The following MEI1 variants were observed in gnomAD, a reference collection of about 807,000 sequenced individuals.
MEI1 encodes meiotic double-stranded break formation protein 1.
MEI1 carries 103 observed loss-of-function variants against 146.2 expected under a neutral mutation model. The ratio of observed to expected loss-of-function variants is 0.70; its 90% CI spans 0.60 to 0.83. The LOEUF is 0.83. Among genes scored for constraint, MEI1 ranks in the 40% least tolerant of loss-of-function variants. The probability of loss-of-function intolerance (pLI) is 0.00; values close to 1 mark genes in which losing one functional copy is unlikely to be tolerated. For missense variants in MEI1, 1,529 were observed against 1,533.0 expected (o/e 1.00, Z 0.04); for synonymous variants, 652 against 628.2 (o/e 1.04, Z -0.57).
chr22:41,712,257 C>T (rs1341043432), intron 3 of MEI1, among the ~76,000 whole-genome samples: 20 of 128,540 alleles, frequency 1.6e-4, no homozygotes, highest in Non-Finnish European at 6.5e-5. Flanking sequence ...TTCTTTGATA[C>T]GGAGTCTCGC....
At position 41,758,408 on chromosome 22, in the gene MEI1, G is replaced by C. The variant is rs1392954744; in HGVS notation, c.1995G>C (p.Gln665His). 1 of 1,613,920 alleles carries C rather than the reference G, an allele frequency of 6.2e-7. No individual in the cohort carries two copies. The highest frequency in any genetic ancestry group is 1.7e-5 in the Admixed American group (1 of 60,020). ...AGCTCCTGCAGCATGGGCTGCCCCA[G>C]ATAAGCAGCAGGAGCCCTGAAAGCC... Reference protein sequence around the residue: ...VSELLQHGLPQISSRSPESLA... With the variant: ...VSELLQHGLPHISSRSPESLA... The change falls in exon 18 of 31, where the codon CAG (glutamine) becomes CAC (histidine). Residue 665 changes from glutamine (Q) to histidine (H), a missense_variant. Physicochemically the swap from Gln to His is conservative, Grantham distance 24. Around this residue, in one of 3 missense-constraint regions of MEI1, gnomAD observed 1,212 missense variants for 1,178.9 expected, o/e 1.03. Transcript: ENST00000401548.
At chr22:41,705,799 G>A (rs1404256986) in intron 3 of MEI1, among the ~76,000 whole-genome samples, 6 of 147,176 alleles carry the variant, frequency 4.1e-5, no homozygotes, top group Non-Finnish European at 9.0e-5. Context: ...CCTCTGCCTC[G>A]CGGGTTCAAG....
chr22:41,713,098 C>T (rs945986439), intron 3 of MEI1, among the ~76,000 whole-genome samples: 6 of 151,854 alleles, frequency 4.0e-5, no homozygotes, highest in East Asian at 1.9e-4. Context: ...CGTGAGCCAC[C>T]GCGCCCGGCT....
intron 18 of MEI1, among the ~76,000 whole-genome samples, chr22:41,759,686 G>C (rs541943670): frequency 6.7e-6 from 1 of 149,756 alleles, no homozygotes; most frequent in South Asian, 2.1e-4. Context: ...AAAATCAGCC[G>C]GGCATGGTGG....
rs375815319 is a variant in MEI1, at chr22:41,784,607, G to C, written c.3170-1G>C. On this transcript the variant is annotated splice_acceptor_variant, in intron 25 of 30. Transcript: ENST00000401548. LOFTEE classifies it high-confidence loss of function. ...GGGTGTAAGGAATCTCCTGCTTCCA[G>C]CTGCCATCTTATGCTTCCTGCGGAC... 27 of 1,611,244 alleles carry C rather than the reference G, an allele frequency of 1.7e-5. No individual in the cohort carries two copies. Among genetic ancestry groups the C allele is most frequent in the Non-Finnish European group, 2.3e-5 (27 of 1,179,568 alleles).
At chr22:41,745,539 G>C (rs1325693104) in intron 13 of MEI1, among the ~76,000 whole-genome samples, 1 of 152,134 alleles carries the variant, frequency 6.6e-6, no homozygotes, top group East Asian at 1.9e-4. Context: ...TGTGGGATTT[G>C]TTGGGTTTTC....
intron 11 of MEI1, among the ~76,000 whole-genome samples, chr22:41,742,688 G>A (rs949204452): frequency 6.6e-6 from 1 of 152,178 alleles, no homozygotes; most frequent in Non-Finnish European, 1.5e-5. Flanking sequence ...GTCTTGTTCT[G>A]TCACCCAGGC....
intron 3 of MEI1, chr22:41,709,272 C>T: frequency 1.2e-6 from 1 of 822,830 alleles, no homozygotes; most frequent in Non-Finnish European, 2.1e-6. Context: ...GTCTTGGCAT[C>T]TCCATTTTCT....
intron 6 of MEI1, chr22:41,722,199 A>G (rs547376395): frequency 6.6e-6 from 1 of 151,594 alleles, no homozygotes; most frequent in African/African-American, 2.4e-5. Flanking sequence ...ATGTAGTCAC[A>G]TCCTTTGGAC....
intron 6 of MEI1, among the ~76,000 whole-genome samples, chr22:41,718,726 T>G (rs1449556048): frequency 6.6e-6 from 1 of 152,032 alleles, no homozygotes; most frequent in East Asian, 1.9e-4. Flanking sequence ...GTTCAGAAAT[T>G]TATTGGTTTG....
In MEI1 at chr22:41,763,308, A is replaced by G. The variant is rs773379462; in HGVS notation, c.2255A>G (p.Asn752Ser). The part of the protein sequence containing the change: ...YLLAICQDKD[N>S]TLRETMVSAI... Reference sequence around the variant, plus strand: ...CTTGCAATCTGCCAGGACAAAGACAATACACTACGTGAGGTATGGACCACA... The same window carrying G: ...CTTGCAATCTGCCAGGACAAAGACAGTACACTACGTGAGGTATGGACCACA... The change falls in exon 19 of 31, where the codon AAT becomes AGT. Residue 752 changes from asparagine to serine, a missense_variant. Physicochemically the swap from Asn to Ser is conservative, Grantham distance 46. Coordinates refer to ENST00000401548, the MANE Select transcript of MEI1 (RefSeq NM_152513.4). 9 of 1,613,792 alleles carry G rather than the reference A, an allele frequency of 5.6e-6. No individual in the cohort carries two copies. Among genetic ancestry groups the G allele is most frequent in the South Asian group, 4.4e-5 (4 of 91,080 alleles).
At chr22:41,706,173 C>T (rs763543126) in intron 3 of MEI1, among the ~76,000 whole-genome samples, 3 of 152,140 alleles carry the variant, frequency 2.0e-5, no homozygotes, top group Non-Finnish European at 2.9e-5. Context: ...TGTGCACTAC[C>T]ATGACTGGCT....
chr22:41,714,507 C>T (rs1048290223), intron 4 of MEI1, among the ~76,000 whole-genome samples: 10 of 152,008 alleles, frequency 6.6e-5, no homozygotes, highest in Non-Finnish European at 1.0e-4. Context: ...GTACTGAAGG[C>T]GTTTGCTTCT....
chr22:41,716,355 CTTTTTTTTTTTTTTTTTTTTTTTTTTT>C (rs6147630), intron 5 of MEI1, among the ~76,000 whole-genome samples: 2 of 118,578 alleles, frequency 1.7e-5, no homozygotes. Flanking sequence ...TCCATTCATT[CTTTTTTTTTTTTTTTTTTTTTTTTTTT>C]TTTTTTTTTT....
At chr22:41,701,537 T>G (rs2068725499) in intron 1 of MEI1, among the ~76,000 whole-genome samples, 2 of 152,156 alleles carry the variant, frequency 1.3e-5, no homozygotes, top group South Asian at 2.1e-4. Flanking sequence ...GGGAAGTGTT[T>G]TAGGCACCCT....
chr22:41,762,687 G>A (rs960403600), intron 18 of MEI1, among the ~76,000 whole-genome samples: 3 of 151,588 alleles, frequency 2.0e-5, no homozygotes, highest in Non-Finnish European at 2.9e-5. Flanking sequence ...ACACCTGGCC[G>A]TTTTCACTTT....
At chr22:41,779,473 T>G (rs2075640716) in intron 22 of MEI1, among the ~76,000 whole-genome samples, 1 of 152,120 alleles carries the variant, frequency 6.6e-6, no homozygotes, top group African/African-American at 2.4e-5. Flanking sequence ...CAAATCTGTA[T>G]GACAGGCACA....
At chr22:41,731,601 G>T (rs2071873888) in intron 9 of MEI1, among the ~76,000 whole-genome samples, 1 of 151,584 alleles carries the variant, frequency 6.6e-6, no homozygotes, top group Non-Finnish European at 1.5e-5. Context: ...CAGGTGATCT[G>T]CCTGCCTCGG....
chr22:41,749,297 C>A (rs1343635875), intron 15 of MEI1, among the ~76,000 whole-genome samples: 1 of 148,030 alleles, frequency 6.8e-6, no homozygotes, highest in Non-Finnish European at 1.5e-5. Flanking sequence ...TTTTTTGAGA[C>A]AGAGTTTAGC....
Sources: gnomAD v4.1 joint callset for allele counts (sites outside exome capture counted in the v4.1 genomes callset) on GRCh38, gnomAD v4.1.1 for gene constraint, gnomAD v4.1.1 regional missense constraint, MANE v1.5 for transcripts, NCBI Gene and HGNC (gene_info 2026-07-23, HGNC 2026-07-21) for gene names.